The following FUT9 variants were observed in gnomAD, a reference collection of about 807,000 sequenced individuals.
FUT9 encodes the protein 4-galactosyl-N-acetylglucosaminide 3-alpha-L-fucosyltransferase 9.
FUT9 carries 15 observed loss-of-function variants against 29.7 expected under a neutral mutation model. The observed-to-expected ratio is 0.51, with a 90% CI of 0.34 to 0.78. FUT9 has a LOEUF of 0.78. FUT9 is among the 30% of genes least tolerant of loss of function. The probability of loss-of-function intolerance (pLI) is 0.01; values close to 1 mark genes in which losing one functional copy is unlikely to be tolerated. For synonymous variants in FUT9, 169 were observed against 153.7 expected (o/e 1.10, Z -0.74); for missense variants, 319 against 425.4 (o/e 0.75, Z 2.20).
chr6:96,092,165 T>G (rs1424942750), intron 1 of FUT9, among the ~76,000 whole-genome samples: 1 of 152,052 alleles, frequency 6.6e-6, no homozygotes, highest in African/African-American at 2.4e-5. Flanking sequence ...AGAAAAACCT[T>G]GTAATCAACG....
intron 2 of FUT9, among the ~76,000 whole-genome samples, chr6:96,174,245 T>C (rs2127984002): frequency 6.6e-6 from 1 of 152,234 alleles, no homozygotes; most frequent in African/African-American, 2.4e-5. Context: ...ATTCCAGCTT[T>C]GTATTTAAGG....
chr6:96,192,123 T>G, intron 2 of FUT9, among the ~76,000 whole-genome samples: 1 of 152,116 alleles, frequency 6.6e-6, no homozygotes, highest in Non-Finnish European at 1.5e-5. Context: ...ACTGGAAGCA[T>G]TCCCTTTGAA....
chr6:96,074,904 G>A (rs903322739), intron 1 of FUT9, among the ~76,000 whole-genome samples: 1 of 151,868 alleles, frequency 6.6e-6, no homozygotes, highest in African/African-American at 2.4e-5. Context: ...AGCCTCCTGA[G>A]TAGCAAGGAC....
At chr6:96,102,330 T>G (rs572683988) in intron 1 of FUT9, among the ~76,000 whole-genome samples, 4 of 152,208 alleles carry the variant, frequency 2.6e-5, no homozygotes, top group African/African-American at 9.6e-5. Flanking sequence ...TAAATTTACC[T>G]GAGTTTAAAA....
At chr6:96,092,185 A>G (rs1771422494) in intron 1 of FUT9, among the ~76,000 whole-genome samples, 1 of 152,100 alleles carries the variant, frequency 6.6e-6, no homozygotes, top group South Asian at 2.1e-4. Context: ...GAAAATTTCC[A>G]GAATATTTTG....
intron 1 of FUT9, among the ~76,000 whole-genome samples, chr6:96,044,457 T>C (rs1191752152): frequency 6.7e-6 from 1 of 148,708 alleles, no homozygotes; most frequent in East Asian, 1.9e-4. Flanking sequence ...TAAACTAAAG[T>C]AAACACAAAA....
rs1770219948 is a variant in FUT9 at position 96,029,253 on chromosome 6, T to C, written c.-98+13041T>C. On this transcript the variant is annotated intron_variant, in intron 1 of 2. Transcript: ENST00000302103. ...AAAATCATTACAAATTGCCAAAGAC[T>C]GACTGACAGTTTAGAAACTCTGGTA... is the stretch of plus-strand genomic sequence containing the variant. Among the ~76,000 whole-genome samples, 3 of 137,712 alleles carry C rather than the reference T, an allele frequency of 2.2e-5. No homozygotes were observed. The South Asian group carries it at 6.6e-4, about 30-fold the overall frequency. 90.3% of individuals were successfully genotyped at this position (137,712 alleles called of 152,430 possible). A position where few individuals can be genotyped will look rare whatever the true frequency, so the allele number is the denominator to read the frequency against.
intron 1 of FUT9, among the ~76,000 whole-genome samples, chr6:96,102,914 A>G (rs974586326): frequency 1.3e-5 from 2 of 152,198 alleles, no homozygotes; most frequent in African/African-American, 4.8e-5. Context: ...GTGCCAATAG[A>G]CATTACATAT....
chr6:96,016,800 C>T (rs1193754631), intron 1 of FUT9, among the ~76,000 whole-genome samples: 2 of 152,196 alleles, frequency 1.3e-5, no homozygotes, highest in African/African-American at 4.8e-5. Flanking sequence ...TTGACACAGA[C>T]ACGCTGTGAT....
chr6:96,102,477 G>A (rs892055583), intron 1 of FUT9, among the ~76,000 whole-genome samples: 1 of 151,508 alleles, frequency 6.6e-6, no homozygotes, highest in African/African-American at 2.4e-5. Flanking sequence ...AATTTTTTTG[G>A]CCAATAAAAT....
chr6:96,140,361 T>C (rs1772440082), intron 2 of FUT9, among the ~76,000 whole-genome samples: 1 of 152,092 alleles, frequency 6.6e-6, no homozygotes. Flanking sequence ...TTACAAACTT[T>C]CCAACATCTT....
chr6:96,161,055 T>G (rs991790868), intron 2 of FUT9, among the ~76,000 whole-genome samples: 17 of 152,182 alleles, frequency 1.1e-4, no homozygotes, highest in African/African-American at 3.9e-4. Context: ...CTAGATTCAT[T>G]TTGTAACACA....
chr6:96,188,464 C>T (rs1230165617), intron 2 of FUT9, among the ~76,000 whole-genome samples: 1 of 151,920 alleles, frequency 6.6e-6, no homozygotes, highest in Admixed American at 6.6e-5. Flanking sequence ...ACTCAGTTGT[C>T]AACATTTATT....
intron 1 of FUT9, among the ~76,000 whole-genome samples, chr6:96,055,165 GT>G (rs1335390780): frequency 6.6e-6 from 1 of 151,904 alleles, no homozygotes; most frequent in Non-Finnish European, 1.5e-5. Context: ...ATTATGAGTG[GT>G]CTGCTTAGTG....
intron 1 of FUT9, among the ~76,000 whole-genome samples, chr6:96,073,280 CT>C (rs1209797476): frequency 6.6e-6 from 1 of 151,988 alleles, no homozygotes; most frequent in Non-Finnish European, 1.5e-5. Flanking sequence ...GAAACCTCAT[CT>C]CTACTAAAAA....
chr6:96,186,478 G>A (rs541644022), intron 2 of FUT9, among the ~76,000 whole-genome samples: 2 of 152,216 alleles, frequency 1.3e-5, no homozygotes, highest in African/African-American at 2.4e-5. Flanking sequence ...TGATATGCAC[G>A]ATGGTGTTTG....
chr6:96,163,703 A>G (rs1729404021), intron 2 of FUT9, among the ~76,000 whole-genome samples: 1 of 152,286 alleles, frequency 6.6e-6, no homozygotes, highest in East Asian at 1.9e-4. Context: ...TCATTGCTCA[A>G]TTAAACTCCT....
intron 2 of FUT9, among the ~76,000 whole-genome samples, chr6:96,122,940 G>C (rs1376948294): frequency 6.6e-6 from 1 of 151,606 alleles, no homozygotes; most frequent in Non-Finnish European, 1.5e-5. Context: ...GGCGCCTGTA[G>C]TCCCAGCCAC....
intron 2 of FUT9, among the ~76,000 whole-genome samples, chr6:96,202,370 C>T (rs1396318281): frequency 6.6e-6 from 1 of 151,942 alleles, no homozygotes; most frequent in Admixed American, 6.6e-5. Flanking sequence ...TTTTTTAAAG[C>T]CCTTAGGCTA....
Sources: allele counts gnomAD v4.1 joint callset (sites outside exome capture counted in the v4.1 genomes callset), GRCh38; gene constraint gnomAD v4.1.1; transcripts MANE v1.5; gene names NCBI Gene and HGNC (gene_info 2026-07-23, HGNC 2026-07-21).